The following ZC3HAV1 variants were observed in gnomAD, a reference collection of about 807,000 sequenced individuals.
The protein encoded by ZC3HAV1 is zinc finger CCCH-type containing, antiviral 1.
Under a neutral mutation model 86.6 loss-of-function variants are expected in ZC3HAV1, and 41 were observed. That is an observed-to-expected ratio of 0.47 (90% CI 0.37 to 0.61). The LOEUF is 0.61. ZC3HAV1 is among the 20% of genes least tolerant of loss of function. The probability of loss-of-function intolerance (pLI) is 0.00; values close to 1 mark genes in which losing one functional copy is unlikely to be tolerated. For missense variants in ZC3HAV1, 964 were observed against 1,141.1 expected, an observed-to-expected ratio of 0.84 and a Z score of 2.24; for synonymous variants, 421 against 432.1, an observed-to-expected ratio of 0.97 and a Z score of 0.32.
chr7:139,064,608 A>G (rs781383528), intron 8 of ZC3HAV1, among the ~76,000 whole-genome samples: 45 of 151,996 alleles, frequency 3.0e-4, no homozygotes, highest in Non-Finnish European at 7.4e-5. Context: ...TACCCCCAAG[A>G]CTACTTAGTT....
chr7:139,061,247 C>G, intron 8 of ZC3HAV1, 109 bp from the exon 9 acceptor site: 1 of 1,019,828 alleles, frequency 9.8e-7, no homozygotes, highest in South Asian at 1.5e-5. Context: ...CAAGACTGAC[C>G]TGTATGTATA....
intron 5 of ZC3HAV1, among the ~76,000 whole-genome samples, chr7:139,076,748 C>T (rs933545855): frequency 6.6e-6 from 1 of 151,864 alleles, no homozygotes; most frequent in African/African-American, 2.4e-5. Context: ...AAAAATTAGC[C>T]AGGCATGGTA....
chr7:139,101,487 C>G (rs1161161617), intron 1 of ZC3HAV1, among the ~76,000 whole-genome samples: 6 of 106,862 alleles, frequency 5.6e-5, no homozygotes, highest in African/African-American at 1.1e-4. Flanking sequence ...CGCCTCAGCC[C>G]GGCCACCACC....
chr7:139,065,244 T>C (rs1816564107), intron 7 of ZC3HAV1, among the ~76,000 whole-genome samples: 1 of 152,182 alleles, frequency 6.6e-6, no homozygotes, highest in Non-Finnish European at 1.5e-5. Context: ...CTGAGAAGTG[T>C]AGCTGTTTGC....
At chr7:139,102,974 G>GTATATGTATA (rs1423932997) in intron 1 of ZC3HAV1, among the ~76,000 whole-genome samples, 3 of 147,470 alleles carry the variant, frequency 2.0e-5, no homozygotes, top group Admixed American at 6.8e-5. Flanking sequence ...ATATGTATAT[G>GTATATGTATA]TGTGTGTGTG....
intron 8 of ZC3HAV1, among the ~76,000 whole-genome samples, chr7:139,063,364 C>T (rs1816503328): frequency 6.6e-6 from 1 of 152,092 alleles, no homozygotes; most frequent in Admixed American, 6.5e-5. Flanking sequence ...TTATCATGCA[C>T]ATTGATTTTT....
At position 139,084,108 on chromosome 7, in the gene ZC3HAV1, C is replaced by T. The variant is rs578181082; in HGVS notation, c.445-76G>A. 2.2e-4 allele frequency: 347 copies of T among 1,552,996 alleles called. 1 individual carries two copies. The African/African-American group carries it at 4.3e-3, about 19-fold the overall frequency. On this transcript the variant is annotated intron_variant, in intron 2 of 12. Transcript: ENST00000242351. ...CCAAACATTCATTAAGGCAAGCTCA[C>T]GTGTGCAAAAATCTCTGAAGCAAGC...
At chr7:139,054,848 C>T (rs1816236758) in intron 10 of ZC3HAV1, among the ~76,000 whole-genome samples, 1 of 152,134 alleles carries the variant, frequency 6.6e-6, no homozygotes, top group African/African-American at 2.4e-5. Flanking sequence ...AGTGCAGTGG[C>T]GCGATCTCGG....
chr7:139,093,578 C>A (rs937870564), intron 1 of ZC3HAV1, among the ~76,000 whole-genome samples: 12 of 152,196 alleles, frequency 7.9e-5, no homozygotes, highest in Admixed American at 7.9e-4. Context: ...TCTCCTGGCT[C>A]ATCCTGGCTC....
chr7:139,068,079 T>C (rs1816661064), intron 7 of ZC3HAV1, among the ~76,000 whole-genome samples: 1 of 149,112 alleles, frequency 6.7e-6, no homozygotes, highest in African/African-American at 2.5e-5. Flanking sequence ...ATTTTGAGAC[T>C]CAGTGAGTCT....
intron 9 of ZC3HAV1, 136 bp downstream of exon 9, chr7:139,060,900 T>C (rs772065409): frequency 1.3e-6 from 2 of 1,581,890 alleles, no homozygotes; most frequent in Admixed American, 3.5e-5. Context: ...TCATCGATAA[T>C]GCAAATGGAA....
chr7:139,097,943 C>T (rs887739541), intron 1 of ZC3HAV1, among the ~76,000 whole-genome samples: 2 of 151,390 alleles, frequency 1.3e-5, no homozygotes, highest in Non-Finnish European at 2.9e-5. Context: ...AAACCATACA[C>T]ATTATTTACC....
Position 139,092,023 on chromosome 7 carries a change from A to AG in ZC3HAV1, c.309-2265dup, listed in dbSNP as rs911002046. Among the ~76,000 whole-genome samples, 15 of 152,138 alleles carry AG rather than the reference A, an allele frequency of 9.9e-5. No homozygotes were observed. The South Asian group carries it at 1.0e-3, about 11-fold the overall frequency. On this transcript the variant is annotated intron_variant, in intron 1 of 12. Coordinates refer to ENST00000242351, the MANE Select transcript of ZC3HAV1 (RefSeq NM_020119.4). ...TTTTATACTTTGGTTTAGAAAGGGG[A>AG]GGGGGGGTCTAGTTAAAACAATTTT...
At chr7:139,069,787 G>A (rs977391725) in intron 7 of ZC3HAV1, among the ~76,000 whole-genome samples, 8 of 152,160 alleles carry the variant, frequency 5.3e-5, no homozygotes, top group African/African-American at 1.7e-4. Context: ...TACTCCTCAC[G>A]TTCCTCTTAG....
chr7:139,053,386 A>G (rs1462549352), intron 12 of ZC3HAV1, 65 bp downstream of exon 12: 2 of 1,483,406 alleles, frequency 1.3e-6, no homozygotes, highest in Non-Finnish European at 9.0e-7. Context: ...ATACCTCCTA[A>G]TAGAAGCACA....
chr7:139,088,127 T>C (rs1459817412), intron 2 of ZC3HAV1, among the ~76,000 whole-genome samples: 2 of 151,928 alleles, frequency 1.3e-5, no homozygotes, highest in African/African-American at 4.8e-5. Context: ...CACTCACCCA[T>C]TATGTTTCTA....
rs1412141359 is a variant in ZC3HAV1, at chr7:139,044,567, AC to A, written c.*3026del. Reference sequence around the variant, plus strand: ...ATTTCAGGTCAGCAAAGAGAATGTTACAAAATATCTGCTCTGAAAAAGGTGA... The same window carrying A: ...ATTTCAGGTCAGCAAAGAGAATGTTAAAAATATCTGCTCTGAAAAAGGTGA... On this transcript the variant is annotated 3_prime_UTR_variant, in exon 13 of 13. Coordinates refer to ENST00000242351, the MANE Select transcript of ZC3HAV1 (RefSeq NM_020119.4). 2 of 152,382 alleles carry A rather than the reference AC, an allele frequency of 1.3e-5. No homozygotes were observed. Among genetic ancestry groups the A allele is most frequent in the Non-Finnish European group, 2.9e-5 (2 of 68,040 alleles). 9.4% of individuals were successfully genotyped at this position (152,382 alleles called of 1,614,324 possible). A position where few individuals can be genotyped will look rare whatever the true frequency, so the allele number is the denominator to read the frequency against.
chr7:139,096,176 G>A lies in ZC3HAV1; in HGVS notation c.309-6417C>T, dbSNP rs555959488. Among the ~76,000 whole-genome samples, 5 of 152,176 alleles carry A rather than the reference G, an allele frequency of 3.3e-5. No homozygotes were observed. The South Asian group carries it at 8.3e-4, about 25-fold the overall frequency. ...ATTATAGGCATGCACCACCACTCCC[G>A]GCTAATTTTGTATTTTTAGTAGAGA... On this transcript the variant is annotated intron_variant, in intron 1 of 12. Coordinates refer to ENST00000242351, the MANE Select transcript of ZC3HAV1 (RefSeq NM_020119.4).
At chr7:139,062,964 G>T (rs2130680025) in intron 8 of ZC3HAV1, among the ~76,000 whole-genome samples, 1 of 147,586 alleles carries the variant, frequency 6.8e-6, no homozygotes, top group South Asian at 2.2e-4. Context: ...GGGAGGCAGA[G>T]GTTGCAGTGA....
Sources: allele counts gnomAD v4.1 joint callset (sites outside exome capture counted in the v4.1 genomes callset), GRCh38; gene constraint gnomAD v4.1.1; transcripts MANE v1.5; gene names NCBI Gene and HGNC (gene_info 2026-07-23, HGNC 2026-07-21).